Variants in KCMF1 observed in about 807,000 individuals in gnomAD.
KCMF1 encodes E3 ubiquitin-protein ligase KCMF1.
KCMF1 carries 3 observed loss-of-function variants against 41.1 expected under a neutral mutation model. That is an observed-to-expected ratio of 0.07 (90% CI 0.03 to 0.19). KCMF1 has a LOEUF of 0.19. KCMF1 is among the 10% of genes least tolerant of loss of function. The pLI, the probability that KCMF1 is intolerant of heterozygous loss-of-function variation, is 1.00. For synonymous variants in KCMF1, 142 were observed against 164.5 expected (o/e 0.86, Z 1.04); for missense variants, 286 against 488.9 (o/e 0.58, Z 3.91).
rs971009475 is a variant in KCMF1 at position 85,057,464 on chromosome 2, G to A, written c.*4055G>A. 1 of 152,196 alleles carries A rather than the reference G, an allele frequency of 6.6e-6. No individual in the cohort carries two copies. Among genetic ancestry groups the A allele is most frequent in the Non-Finnish European group, 1.5e-5 (1 of 68,066 alleles). The allele number at this position is 152,196 out of a possible 1,614,324, so 9.4% of individuals were successfully genotyped here. On this transcript the variant is annotated 3_prime_UTR_variant, in exon 7 of 7. Transcript: ENST00000409785. ...AGAGGTTAGGGTTAGAGTGCAGGAT[G>A]GAGCAGCAGTCTGCAGACTTTCAGG...
At chr2:85,008,534 A>C (rs1399430269) in intron 1 of KCMF1, among the ~76,000 whole-genome samples, 3 of 150,044 alleles carry the variant, frequency 2.0e-5, no homozygotes, top group Non-Finnish European at 4.4e-5. Context: ...AGCCATTTAA[A>C]TAGCGAAACT....
At chr2:85,000,324 C>T (rs1416877745) in intron 1 of KCMF1, among the ~76,000 whole-genome samples, 2 of 133,010 alleles carry the variant, frequency 1.5e-5, no homozygotes, top group Non-Finnish European at 3.3e-5. Context: ...GGGGTTTCAC[C>T]GTGTTAGCCA....
intron 1 of KCMF1, among the ~76,000 whole-genome samples, chr2:85,004,875 G>A (rs907150459): frequency 3.3e-5 from 5 of 151,456 alleles, no homozygotes; most frequent in East Asian, 3.9e-4. Flanking sequence ...CACTCTTGTC[G>A]CCCAGGCTGG....
chr2:85,012,698 C>G (rs1442623666), intron 1 of KCMF1, among the ~76,000 whole-genome samples: 1 of 152,234 alleles, frequency 6.6e-6, no homozygotes, highest in Non-Finnish European at 1.5e-5. Context: ...CAACTCTTTT[C>G]CGCCAGTGCT....
At chr2:84,979,511 G>A (rs1326476410) in intron 1 of KCMF1, among the ~76,000 whole-genome samples, 2 of 116,076 alleles carry the variant, frequency 1.7e-5, no homozygotes, top group African/African-American at 6.3e-5. Flanking sequence ...CAACAAGAGC[G>A]AAATTCTGTC....
At chr2:84,978,183 T>C (rs750012574) in intron 1 of KCMF1, among the ~76,000 whole-genome samples, 3 of 151,858 alleles carry the variant, frequency 2.0e-5, no homozygotes, top group Non-Finnish European at 4.4e-5. Flanking sequence ...TTTTAGTAGA[T>C]AGAGGGTTTC....
chr2:85,003,988 A>G (rs1021691300), intron 1 of KCMF1, among the ~76,000 whole-genome samples: 18 of 152,300 alleles, frequency 1.2e-4, no homozygotes, highest in South Asian at 1.0e-3. Flanking sequence ...ACTGAACCCT[A>G]TGTATCCTGT....
chr2:84,994,249 A>G (rs550814542), intron 1 of KCMF1, among the ~76,000 whole-genome samples: 38 of 152,190 alleles, frequency 2.5e-4, no homozygotes, highest in African/African-American at 9.1e-4. Flanking sequence ...CGCCCGGCCA[A>G]GTATGAACAT....
chr2:85,000,836 T>A (rs1430757617), intron 1 of KCMF1, among the ~76,000 whole-genome samples: 2 of 149,800 alleles, frequency 1.3e-5, no homozygotes, highest in Non-Finnish European at 3.0e-5. Flanking sequence ...TGGAGTGTAG[T>A]GGCACGATCA....
chr2:85,041,612 T>C (rs901460578), intron 3 of KCMF1, among the ~76,000 whole-genome samples: 8 of 152,210 alleles, frequency 5.3e-5, no homozygotes, highest in Admixed American at 4.6e-4. Flanking sequence ...ATTTTCTCTT[T>C]AAATAAAAAT....
chr2:85,042,381 GTCCT>G (rs1172487553), intron 3 of KCMF1, among the ~76,000 whole-genome samples: 4 of 152,122 alleles, frequency 2.6e-5, no homozygotes, highest in Admixed American at 6.5e-5. Context: ...CCCCAGGATT[GTCCT>G]TCCAAGTCTC....
At chr2:85,013,522 G>A (rs1002068467) in intron 1 of KCMF1, among the ~76,000 whole-genome samples, 2 of 152,108 alleles carry the variant, frequency 1.3e-5, no homozygotes, top group Non-Finnish European at 2.9e-5. Context: ...TGTTTAGACC[G>A]GGCGCAGTGG....
At chr2:85,047,584 T>G (rs1235586828) in intron 5 of KCMF1, among the ~76,000 whole-genome samples, 3 of 147,384 alleles carry the variant, frequency 2.0e-5, no homozygotes, top group African/African-American at 7.6e-5. Context: ...TTTAATAGCT[T>G]GGGAAAAATC....
intron 1 of KCMF1, among the ~76,000 whole-genome samples, chr2:84,999,137 G>A (rs570023969): frequency 6.0e-4 from 90 of 151,070 alleles, no homozygotes; most frequent in African/African-American, 2.0e-3. Context: ...GAGCCACTGC[G>A]CCTGGCCTCT....
chr2:84,978,502 T>A (rs1010004325), intron 1 of KCMF1, among the ~76,000 whole-genome samples: 2 of 132,472 alleles, frequency 1.5e-5, no homozygotes, highest in African/African-American at 6.8e-5. Context: ...GGTTTTTGGG[T>A]TTTTTTTTTT....
Position 84,971,376 on chromosome 2 carries a change from G to C in KCMF1, c.-76G>C. 1.0e-6 allele frequency: 1 copy of C among 974,366 alleles called. No homozygotes were observed. Among genetic ancestry groups the C allele is most frequent in the Non-Finnish European group, 1.3e-6 (1 of 799,996 alleles). 60.4% of individuals were successfully genotyped at this position (974,366 alleles called of 1,614,324 possible). On this transcript the variant is annotated 5_prime_UTR_variant, in exon 1 of 7. Coordinates refer to ENST00000409785, the MANE Select transcript of KCMF1 (RefSeq NM_020122.5). Reference sequence around the variant, plus strand: ...CGAGTGGGAGTCGGCCGGCCGGCGCGGGCAGCGCCGGGACCCCGCGGGGGA... The same window carrying C: ...CGAGTGGGAGTCGGCCGGCCGGCGCCGGCAGCGCCGGGACCCCGCGGGGGA...
intron 6 of KCMF1, among the ~76,000 whole-genome samples, chr2:85,051,873 T>C (rs529493388): frequency 6.6e-6 from 1 of 152,336 alleles, no homozygotes; most frequent in East Asian, 1.9e-4. Flanking sequence ...ACGGCTGCAG[T>C]GTATGCAGGG....
At chr2:85,046,326 C>A (rs1465919312) in intron 5 of KCMF1, 48 bp downstream of exon 5, 15 of 1,512,346 alleles carry the variant, frequency 9.9e-6, no homozygotes, top group Non-Finnish European at 1.4e-5. Context: ...GAAGGAGGAG[C>A]TCCTTTTAAA....
intron 1 of KCMF1, among the ~76,000 whole-genome samples, chr2:84,993,644 C>G (rs1258506584): frequency 1.3e-5 from 2 of 151,696 alleles, no homozygotes. Context: ...GGTGCAGTCT[C>G]GGCTCACTGC....
Sources: allele counts gnomAD v4.1 joint callset (sites outside exome capture counted in the v4.1 genomes callset), GRCh38; gene constraint gnomAD v4.1.1; transcripts MANE v1.5; gene names NCBI Gene and HGNC (gene_info 2026-07-23, HGNC 2026-07-21).